SLC30A8: variants seen among roughly 807,000 people sequenced by gnomAD.
The protein encoded by SLC30A8 is proton-coupled zinc antiporter SLC30A8.
A neutral mutation model predicts 36.9 loss-of-function variants in SLC30A8; 27 were observed. The observed-to-expected ratio is 0.73, with a 90% CI of 0.54 to 1.01. The LOEUF is 1.01. Ranked by LOEUF, SLC30A8 falls within the 50% of genes least tolerant of loss-of-function variation. The pLI, the probability that SLC30A8 is intolerant of heterozygous loss-of-function variation, is 0.00. For missense variants in SLC30A8, 439 were observed against 452.0 expected, an observed-to-expected ratio of 0.97 and a Z score of 0.26; for synonymous variants, 164 against 172.4, an observed-to-expected ratio of 0.95 and a Z score of 0.38.
intron 2 of SLC30A8, among the ~76,000 whole-genome samples, chr8:117,150,369 C>T (rs1822122183): frequency 1.3e-5 from 2 of 152,212 alleles, no homozygotes; most frequent in South Asian, 4.1e-4. Context: ...AACACCATCT[C>T]AGTTGGAGGT....
intron 1 of SLC30A8, among the ~76,000 whole-genome samples, chr8:116,996,928 G>A (rs1815839586): frequency 6.6e-6 from 1 of 150,834 alleles, no homozygotes; most frequent in Non-Finnish European, 1.5e-5. Context: ...TTCCTAAGTA[G>A]AAAATGATTT....
At position 116,966,136 on chromosome 8, in the gene SLC30A8, G is replaced by A. The variant is rs140355680; in HGVS notation, c.-266+15017G>A. Among the ~76,000 whole-genome samples the A allele has an allele frequency of 2.1e-4, 32 of 152,114 alleles. No individual in the cohort carries two copies. In the East Asian group the frequency reaches 5.0e-3, roughly 24 times the overall value. On this transcript the variant is annotated intron_variant, in intron 1 of 10. Transcript: ENST00000427715. ...TGACCTCAGGCAATTCGCCCGTCTC[G>A]GCCTCCCAAAGTGCTGGGATTACAT...
intron 1 of SLC30A8, among the ~76,000 whole-genome samples, chr8:116,995,827 G>C (rs10106470): frequency 0.99 from 151,323 of 152,188 alleles, 75,261 homozygotes; most frequent in Middle Eastern, 1. Context: ...GTTCGGGACA[G>C]ATAGCCGTCC....
chr8:117,001,018 A>G (rs1382604681), intron 1 of SLC30A8, among the ~76,000 whole-genome samples: 1 of 151,970 alleles, frequency 6.6e-6, no homozygotes, highest in African/African-American at 2.4e-5. Context: ...TTTTCAGCAT[A>G]ATATTGAATT....
At position 116,970,235 on chromosome 8, in the gene SLC30A8, T is replaced by G. The variant is rs754194463; in HGVS notation, c.-266+19116T>G. Among the ~76,000 whole-genome samples, 42 of 152,304 alleles carry G rather than the reference T, an allele frequency of 2.8e-4. 1 individual carries two copies. Among genetic ancestry groups the G allele is most frequent in the Non-Finnish European group, 1.2e-4 (8 of 68,018 alleles). On this transcript the variant is annotated intron_variant, in intron 1 of 10. Transcript: ENST00000427715. Reference sequence around the variant, plus strand: ...GGTCACGATCATCAATATCATTGTCTTCCACTCCCACATCTTGTCCCACTG... The same window carrying G: ...GGTCACGATCATCAATATCATTGTCGTCCACTCCCACATCTTGTCCCACTG...
At chr8:117,170,473 T>C (rs1823315534) in intron 6 of SLC30A8, among the ~76,000 whole-genome samples, 1 of 152,180 alleles carries the variant, frequency 6.6e-6, no homozygotes, top group Admixed American at 6.5e-5. Flanking sequence ...GGATCCTCTA[T>C]TAGCACAGTT....
intron 1 of SLC30A8, among the ~76,000 whole-genome samples, chr8:117,019,238 C>G (rs1053255346): frequency 1.3e-5 from 2 of 152,158 alleles, no homozygotes; most frequent in African/African-American, 4.8e-5. Flanking sequence ...ATAGCTGAAG[C>G]TCAACGCATT....
At chr8:117,081,996 A>G (rs1487445180) in intron 2 of SLC30A8, among the ~76,000 whole-genome samples, 4 of 152,196 alleles carry the variant, frequency 2.6e-5, no homozygotes, top group African/African-American at 9.6e-5. Context: ...TCAGTCAGAC[A>G]TGGGTCAGAA....
intron 2 of SLC30A8, among the ~76,000 whole-genome samples, chr8:117,105,351 T>C (rs954820463): frequency 2.0e-5 from 3 of 152,044 alleles, no homozygotes; most frequent in Non-Finnish European, 4.4e-5. Flanking sequence ...CATATTTTTA[T>C]TTATTTATTT....
At chr8:117,031,892 A>C (rs1817062711) in intron 1 of SLC30A8, among the ~76,000 whole-genome samples, 1 of 152,210 alleles carries the variant, frequency 6.6e-6, no homozygotes, top group Non-Finnish European at 1.5e-5. Context: ...CTGCTCTTCA[A>C]GGAGATGGTC....
chr8:117,071,223 G>T (rs78504477), intron 2 of SLC30A8, among the ~76,000 whole-genome samples: 130 of 141,432 alleles, frequency 9.2e-4, no homozygotes, highest in African/African-American at 2.9e-3. Context: ...CCATTTTTTT[G>T]TTGTTGTTGA....
intron 1 of SLC30A8, among the ~76,000 whole-genome samples, chr8:116,972,761 C>T (rs931444939): frequency 6.6e-6 from 1 of 152,124 alleles, no homozygotes; most frequent in African/African-American, 2.4e-5. Flanking sequence ...CAGGAACTGA[C>T]GTGATAAATT....
intron 1 of SLC30A8, among the ~76,000 whole-genome samples, chr8:116,955,596 G>T (rs117199295): frequency 2.0e-5 from 3 of 152,118 alleles, no homozygotes; most frequent in Non-Finnish European, 4.4e-5. Context: ...CAGACGTGAT[G>T]GTGCATGCCT....
rs529605481 is a variant in SLC30A8, at chr8:117,103,269, G to A, written c.-225-32011G>A. 5.9e-5 allele frequency among the ~76,000 whole-genome samples: 9 copies of A among 152,104 alleles called. No individual in the cohort carries two copies. The East Asian group carries it at 1.6e-3, about 26-fold the overall frequency. On this transcript the variant is annotated intron_variant, in intron 2 of 10. Coordinates refer to the SLC30A8 transcript ENST00000427715. ...GTGAGAAACTGGGAGGAAAAAAGGG[G>A]TGATGAGTCCCAAGCAAGTTTGCAA...
intron 2 of SLC30A8, among the ~76,000 whole-genome samples, chr8:117,124,724 CTTAT>C (rs141282730): frequency 0.052 from 7,877 of 150,314 alleles, 541 homozygotes; most frequent in African/African-American, 0.16. Flanking sequence ...TGTGTTCTCA[CTTAT>C]AAGTGGGAGC....
intron 2 of SLC30A8, among the ~76,000 whole-genome samples, chr8:117,058,273 T>C (rs1391680065): frequency 3.9e-5 from 6 of 152,230 alleles, no homozygotes; most frequent in Admixed American, 3.9e-4. Flanking sequence ...ATTCCTTATA[T>C]ATTTTGCATT....
chr8:117,154,673 G>A (rs116330466), intron 3 of SLC30A8, among the ~76,000 whole-genome samples: 2,398 of 152,264 alleles, frequency 0.016, 58 homozygotes, highest in African/African-American at 0.05. Context: ...CTTGAACAGC[G>A]CTACACTTGG....
chr8:117,150,670 A>G (rs1442829147), intron 2 of SLC30A8, among the ~76,000 whole-genome samples: 1 of 151,982 alleles, frequency 6.6e-6, no homozygotes, highest in Non-Finnish European at 1.5e-5. Flanking sequence ...CAGTGGCCCG[A>G]TCTTGGCTCA....
At chr8:117,068,796 C>T (rs944141572) in intron 2 of SLC30A8, among the ~76,000 whole-genome samples, 1 of 152,030 alleles carries the variant, frequency 6.6e-6, no homozygotes, top group Non-Finnish European at 1.5e-5. Context: ...AGGCTGGTCT[C>T]GAACTCCTGA....
Sources: gnomAD v4.1 joint callset for allele counts (sites outside exome capture counted in the v4.1 genomes callset) on GRCh38, gnomAD v4.1.1 for gene constraint, MANE v1.5 for transcripts, NCBI Gene and HGNC (gene_info 2026-07-23, HGNC 2026-07-21) for gene names.